Variants in CSMD1 observed in about 807,000 individuals in gnomAD.
The protein encoded by CSMD1 is CUB and sushi domain-containing protein 1.
In CSMD1, 213 loss-of-function variants were observed where a neutral mutation model predicts 417.5. The ratio of observed to expected loss-of-function variants is 0.51; its 90% CI spans 0.46 to 0.57. The LOEUF is 0.57. Ranked by LOEUF, CSMD1 falls within the 20% of genes least tolerant of loss-of-function variation. CSMD1 has a pLI of 0.00. For synonymous variants in CSMD1, 2,862 were observed against 1,736.8 expected, an observed-to-expected ratio of 1.65 and a Z score of -16.11; for missense variants, 6,923 against 4,529.7, an observed-to-expected ratio of 1.53 and a Z score of -15.17.
intron 5 of CSMD1, among the ~76,000 whole-genome samples, chr8:3,856,572 A>T (rs1166455053): frequency 1.3e-5 from 2 of 152,288 alleles, no homozygotes; most frequent in East Asian, 3.9e-4. Flanking sequence ...GGGCCTGAGT[A>T]TGGCAGACTG....
intron 6 of CSMD1, among the ~76,000 whole-genome samples, chr8:3,744,419 C>T (rs899495793): frequency 2.6e-5 from 4 of 151,986 alleles, no homozygotes; most frequent in African/African-American, 7.3e-5. Flanking sequence ...GGTTTTATTC[C>T]ATAGAAAGAT....
chr8:3,404,800 C>T (rs1315437985), intron 15 of CSMD1, among the ~76,000 whole-genome samples: 1 of 151,870 alleles, frequency 6.6e-6, no homozygotes, highest in Non-Finnish European at 1.5e-5. Context: ...TTTTCACATG[C>T]TAAGGACACC....
chr8:3,651,065 C>A (rs1311703046), intron 7 of CSMD1, among the ~76,000 whole-genome samples: 1 of 152,192 alleles, frequency 6.6e-6, no homozygotes, highest in Non-Finnish European at 1.5e-5. Context: ...ATCCCATGAG[C>A]TCCATATTCA....
In CSMD1 at chr8:3,023,215, C is replaced by A. The variant is rs529611355; in HGVS notation, c.7856-4565G>T. On this transcript the variant is annotated intron_variant, in intron 51 of 69. Coordinates refer to ENST00000635120, the MANE Select transcript of CSMD1 (RefSeq NM_033225.6). The stretch of plus-strand genomic sequence containing the variant: ...GTAACAAACAGCAGATCTTCAAAGA[C>A]CAGCCCGGACACAGACAGCCCAGAA... Among the ~76,000 whole-genome samples, 25 of 152,282 alleles carry A rather than the reference C, an allele frequency of 1.6e-4. 1 individual carries two copies. The South Asian group carries it at 3.3e-3, about 20-fold the overall frequency.
At chr8:3,982,654 T>C (rs1009657414) in intron 5 of CSMD1, among the ~76,000 whole-genome samples, 2 of 149,534 alleles carry the variant, frequency 1.3e-5, no homozygotes, top group Non-Finnish European at 3.0e-5. Context: ...GGGGCAAAGA[T>C]AGGGCAGATC....
At chr8:3,087,850 G>C (rs938580885) in intron 48 of CSMD1, among the ~76,000 whole-genome samples, 3 of 152,218 alleles carry the variant, frequency 2.0e-5, no homozygotes, top group Non-Finnish European at 4.4e-5. Context: ...GGATAAAAGT[G>C]ATAGGGTACT....
At chr8:3,976,913 A>G (rs1228115772) in intron 5 of CSMD1, among the ~76,000 whole-genome samples, 3 of 152,202 alleles carry the variant, frequency 2.0e-5, no homozygotes, top group African/African-American at 4.8e-5. Flanking sequence ...ATGACTTGTT[A>G]GCCATTTACA....
chr8:4,640,676 G>A (rs946546069), intron 1 of CSMD1, among the ~76,000 whole-genome samples: 2 of 151,914 alleles, frequency 1.3e-5, no homozygotes, highest in African/African-American at 4.8e-5. Flanking sequence ...ATTCTTAATG[G>A]ACAACTTTTA....
At chr8:4,385,926 T>C (rs1803418442) in intron 3 of CSMD1, among the ~76,000 whole-genome samples, 1 of 152,158 alleles carries the variant, frequency 6.6e-6, no homozygotes, top group South Asian at 2.1e-4. Context: ...TTCCAGAGTT[T>C]CTCACCCCTC....
intron 1 of CSMD1, among the ~76,000 whole-genome samples, chr8:4,958,903 A>G (rs1008094781): frequency 1.3e-5 from 2 of 152,188 alleles, no homozygotes; most frequent in Non-Finnish European, 2.9e-5. Flanking sequence ...ACAAAGAGGA[A>G]AGAATATTTT....
chr8:3,548,705 G>A (rs988574567), intron 10 of CSMD1, among the ~76,000 whole-genome samples: 2 of 106,624 alleles, frequency 1.9e-5, no homozygotes, highest in Non-Finnish European at 4.1e-5. Flanking sequence ...CACACACCAT[G>A]GTTTCTTTTT....
chr8:3,794,871 A>ATC (rs71203478), intron 5 of CSMD1, among the ~76,000 whole-genome samples: 82,487 of 150,364 alleles, frequency 0.55, 23,418 homozygotes, highest in East Asian at 0.69. Flanking sequence ...TTTACCAATG[A>ATC]TCTCTCTCTC....
intron 68 of CSMD1, among the ~76,000 whole-genome samples, chr8:2,943,054 T>G (rs925356613): frequency 1.3e-5 from 2 of 152,206 alleles, no homozygotes; most frequent in Non-Finnish European, 2.9e-5. Context: ...TGGCATTGCA[T>G]TCTTCATATG....
intron 5 of CSMD1, among the ~76,000 whole-genome samples, chr8:3,914,162 G>C (rs184594758): frequency 2.2e-3 from 331 of 152,164 alleles, no homozygotes; most frequent in Non-Finnish European, 3.0e-3. Context: ...AATTCAGTCA[G>C]AGAAAACAAG....
intron 3 of CSMD1, among the ~76,000 whole-genome samples, chr8:4,161,839 C>A (rs111230360): frequency 3.2e-4 from 48 of 152,244 alleles, no homozygotes; most frequent in Admixed American, 1.0e-3. Context: ...TATGTCACTG[C>A]ATTTTTTTCT....
intron 3 of CSMD1, among the ~76,000 whole-genome samples, chr8:4,277,038 G>T (rs951028581): frequency 1.3e-5 from 2 of 152,066 alleles, no homozygotes; most frequent in Non-Finnish European, 2.9e-5. Flanking sequence ...AAAATTACCA[G>T]GATGCCATCA....
intron 48 of CSMD1, among the ~76,000 whole-genome samples, chr8:3,089,528 C>T (rs1320290623): frequency 6.6e-6 from 1 of 152,124 alleles, no homozygotes; most frequent in East Asian, 1.9e-4. Flanking sequence ...AGGGCAAATA[C>T]ATGTTGGGGA....
At chr8:3,549,678 C>G (rs1798826639) in intron 10 of CSMD1, among the ~76,000 whole-genome samples, 1 of 152,136 alleles carries the variant, frequency 6.6e-6, no homozygotes, top group Admixed American at 6.5e-5. Context: ...AGCTAGCCCC[C>G]TTCAACACTG....
chr8:3,784,847 T>A (rs540875994), intron 5 of CSMD1, among the ~76,000 whole-genome samples: 2 of 152,336 alleles, frequency 1.3e-5, no homozygotes, highest in South Asian at 4.1e-4. Flanking sequence ...ACTCATCCAA[T>A]GAAATCATCA....
Sources: allele counts gnomAD v4.1 joint callset (sites outside exome capture counted in the v4.1 genomes callset), GRCh38; gene constraint gnomAD v4.1.1; transcripts MANE v1.5; gene names NCBI Gene and HGNC (gene_info 2026-07-23, HGNC 2026-07-21).